Variants in GABRG2 observed in about 807,000 individuals in gnomAD.
GABRG2 encodes the protein gamma-aminobutyric acid receptor subunit gamma-2.
GABRG2 carries 16 observed loss-of-function variants against 56.4 expected under a neutral mutation model. That is an observed-to-expected ratio of 0.28 (90% CI 0.19 to 0.43). The LOEUF is 0.43. Ranked by LOEUF, GABRG2 falls within the 20% of genes least tolerant of loss-of-function variation. GABRG2 has a pLI of 1.00. For missense variants in GABRG2, 327 were observed against 582.7 expected, an observed-to-expected ratio of 0.56 and a Z score of 4.52; for synonymous variants, 208 against 205.5, an observed-to-expected ratio of 1.01 and a Z score of -0.10.
At chr5:162,097,396 C>G (rs763627596) in intron 3 of GABRG2, among the ~76,000 whole-genome samples, 1 of 152,112 alleles carries the variant, frequency 6.6e-6, no homozygotes, top group Non-Finnish European at 1.5e-5. Context: ...TGTATCAAGG[C>G]TATCCTCTTT....
At chr5:162,080,329 T>C (rs1164340006) in intron 1 of GABRG2, among the ~76,000 whole-genome samples, 1 of 152,116 alleles carries the variant, frequency 6.6e-6, no homozygotes, top group Non-Finnish European at 1.5e-5. Flanking sequence ...AAGGCAATTA[T>C]GAATAATGGA....
intron 6 of GABRG2, among the ~76,000 whole-genome samples, chr5:162,132,026 G>T (rs1294078093): frequency 6.6e-6 from 1 of 151,544 alleles, no homozygotes; most frequent in Non-Finnish European, 1.5e-5. Flanking sequence ...AAAAAATGGT[G>T]GTAATTACAA....
chr5:162,125,602 C>A (rs967224713), intron 6 of GABRG2, among the ~76,000 whole-genome samples: 1 of 151,640 alleles, frequency 6.6e-6, no homozygotes, highest in South Asian at 2.1e-4. Context: ...CAAGAAGACA[C>A]GTCAGTTGTC....
At position 162,111,515 on chromosome 5, in the gene GABRG2, G is replaced by T. The variant is rs565209855; in HGVS notation, c.769+7489G>T. On this transcript the variant is annotated intron_variant, in intron 6 of 9. Coordinates refer to ENST00000639213, the MANE Select transcript of GABRG2 (RefSeq NM_198904.4). Reference sequence around the variant, plus strand: ...TGTCATTTCTGCTTATGTTCCATTGGCGAGAACTAGTTGCATATTCCCATA... The same window carrying T: ...TGTCATTTCTGCTTATGTTCCATTGTCGAGAACTAGTTGCATATTCCCATA... 1.8e-4 allele frequency among the ~76,000 whole-genome samples: 28 copies of T among 152,202 alleles called. No individual in the cohort carries two copies. In the South Asian group the frequency reaches 5.8e-3, roughly 32 times the overall value.
rs779257715 is a variant in GABRG2, at chr5:162,149,592, T to C, written c.1128+279T>C. 4.0e-6 allele frequency: 3 copies of C among 745,978 alleles called. No individual in the cohort carries two copies. The African/African-American group carries it at 5.1e-5, about 13-fold the overall frequency. The allele number at this position is 745,978 out of a possible 1,614,324, so 46.2% of individuals were successfully genotyped here. On this transcript the variant is annotated intron_variant, in intron 8 of 9. Transcript: ENST00000639213. Reference sequence around the variant, plus strand: ...AAAGCCATTTTTGAGAAATGTGACCTTCTTCTTGTTGCTATTATTCCAGGT... The same window carrying C: ...AAAGCCATTTTTGAGAAATGTGACCCTCTTCTTGTTGCTATTATTCCAGGT...
chr5:162,120,969 T>C (rs1428239585), intron 6 of GABRG2, among the ~76,000 whole-genome samples: 1 of 152,170 alleles, frequency 6.6e-6, no homozygotes. Context: ...TATAAAAGAC[T>C]GTATCAAGGG....
intron 6 of GABRG2, among the ~76,000 whole-genome samples, chr5:162,115,889 C>G (rs191715070): frequency 6.6e-6 from 1 of 152,048 alleles, no homozygotes; most frequent in African/African-American, 2.4e-5. Flanking sequence ...CATTGTGAAG[C>G]ACTTTCTATA....
At chr5:162,124,087 A>T (rs1323072832) in intron 6 of GABRG2, among the ~76,000 whole-genome samples, 1 of 151,814 alleles carries the variant, frequency 6.6e-6, no homozygotes, top group African/African-American at 2.4e-5. Context: ...CCCCAGAGAG[A>T]AAGTGTTTGA....
chr5:162,118,166 A>G (rs1762749143), intron 6 of GABRG2, among the ~76,000 whole-genome samples: 1 of 151,586 alleles, frequency 6.6e-6, no homozygotes, highest in South Asian at 2.1e-4. Context: ...ATCAAGGAAA[A>G]AAAAACCCAA....
At chr5:162,106,540 G>A (rs538683871) in intron 6 of GABRG2, among the ~76,000 whole-genome samples, 16 of 152,250 alleles carry the variant, frequency 1.1e-4, no homozygotes, top group African/African-American at 3.9e-4. Flanking sequence ...GCATAGCTGT[G>A]TAACTAATGA....
intron 7 of GABRG2, among the ~76,000 whole-genome samples, chr5:162,146,006 A>G (rs765706850): frequency 1.2e-4 from 19 of 152,302 alleles, no homozygotes; most frequent in Admixed American, 5.9e-4. Flanking sequence ...GGATTTTACA[A>G]GGTATTGGTA....
chr5:162,135,992 G>T (rs1421066472), intron 6 of GABRG2, among the ~76,000 whole-genome samples: 2 of 152,218 alleles, frequency 1.3e-5, no homozygotes, highest in Non-Finnish European at 2.9e-5. Context: ...GTATTTATAT[G>T]TATAGGCATG....
At chr5:162,141,330 C>G (rs1264594930) in intron 6 of GABRG2, among the ~76,000 whole-genome samples, 1 of 152,214 alleles carries the variant, frequency 6.6e-6, no homozygotes, top group Admixed American at 6.5e-5. Context: ...AGCCACCGCA[C>G]CCAGCCAAAT....
At chr5:162,104,852 A>G (rs561245193) in intron 6 of GABRG2, among the ~76,000 whole-genome samples, 1 of 152,268 alleles carries the variant, frequency 6.6e-6, no homozygotes, top group South Asian at 2.1e-4. Context: ...TCTGTCGGGC[A>G]AGTTAGATAT....
chr5:162,148,136 A>G (rs1306228288), intron 7 of GABRG2, among the ~76,000 whole-genome samples: 1 of 152,238 alleles, frequency 6.6e-6, no homozygotes, highest in Non-Finnish European at 1.5e-5. Flanking sequence ...GTCACTAAAC[A>G]ACCACTGGAG....
chr5:162,074,446 A>C (rs1204511510), intron 1 of GABRG2, among the ~76,000 whole-genome samples: 1 of 152,032 alleles, frequency 6.6e-6, no homozygotes, highest in Non-Finnish European at 1.5e-5. Context: ...CCATGAACCC[A>C]AGTGTTGCTG....
At chr5:162,111,478 C>T (rs1762250318) in intron 6 of GABRG2, among the ~76,000 whole-genome samples, 1 of 151,996 alleles carries the variant, frequency 6.6e-6, no homozygotes, top group African/African-American at 2.4e-5. Flanking sequence ...TGTCTGGTTT[C>T]AAGGTGACAC....
intron 1 of GABRG2, among the ~76,000 whole-genome samples, chr5:162,084,049 G>A (rs1034184395): frequency 3.3e-5 from 5 of 151,718 alleles, no homozygotes; most frequent in Admixed American, 6.6e-5. Context: ...TTTTAATTAC[G>A]TATTTTGTCT....
chr5:162,071,117 C>CA (rs1380331697), intron 1 of GABRG2, among the ~76,000 whole-genome samples: 1 of 150,458 alleles, frequency 6.6e-6, no homozygotes, highest in Non-Finnish European at 1.5e-5. Context: ...ATATTGGCTC[C>CA]AAAAAAATAA....
Sources: allele counts gnomAD v4.1 joint callset (sites outside exome capture counted in the v4.1 genomes callset), GRCh38; gene constraint gnomAD v4.1.1; transcripts MANE v1.5; gene names NCBI Gene and HGNC (gene_info 2026-07-23, HGNC 2026-07-21).